FAM83E: variants seen among roughly 807,000 people sequenced by gnomAD.
FAM83E encodes the protein scaffolding CK1 anchoring protein E.
FAM83E carries 29 observed loss-of-function variants against 34.3 expected under a neutral mutation model. The ratio of observed to expected loss-of-function variants is 0.85; its 90% CI spans 0.63 to 1.15. The LOEUF is 1.15. FAM83E is among the 50% of genes most tolerant of loss of function. The pLI is 0.00. For synonymous variants in FAM83E, 312 were observed against 311.6 expected (o/e 1.00, Z -0.01); for missense variants, 697 against 685.0 (o/e 1.02, Z -0.20).
At chr19:48,604,377 C>T (rs961981638) in intron 5 of FAM83E, among the ~76,000 whole-genome samples, 100 of 136,388 alleles carry the variant, frequency 7.3e-4, no homozygotes, top group African/African-American at 2.5e-3. Flanking sequence ...TTTGCCCAGG[C>T]TGGAGTGTAG....
chr19:48,602,704 A>AAAAAAAT (rs1973844092), intron 6 of FAM83E, among the ~76,000 whole-genome samples: 2 of 27,500 alleles, frequency 7.3e-5, no homozygotes, highest in African/African-American at 2.0e-4. Flanking sequence ...AAAAAAAAAA[A>AAAAAAAT]ATATATATAT....
At chr19:48,602,141 C>CAAAAAAAAAAAAAAAAAAAAAAA (rs35272146) in intron 6 of FAM83E, among the ~76,000 whole-genome samples, 1 of 41,560 alleles carries the variant, frequency 2.4e-5, no homozygotes, top group Non-Finnish European at 4.0e-5. Flanking sequence ...GACCCTATCT[C>CAAAAAAAAAAAAAAAAAAAAAAA]AAAAAAAAAA....
At chr19:48,607,349 T>C (rs144555465) in intron 5 of FAM83E, 206 of 1,586,090 alleles carry the variant, frequency 1.3e-4, no homozygotes, top group Admixed American at 1.8e-4. Flanking sequence ...CCACGTTTGC[T>C]GTGACCAACA....
At chr19:48,610,086 G>C in intron 4 of FAM83E, 86 bp from the exon 5 acceptor site, 2 of 1,514,216 alleles carry the variant, frequency 1.3e-6, no homozygotes, top group South Asian at 1.2e-5. Context: ...CTAACTGGGG[G>C]ACCCATGACT....
At chr19:48,609,843 G>A (rs182528618) in intron 5 of FAM83E, 33 bp downstream of exon 5, 552 of 1,607,468 alleles carry the variant, frequency 3.4e-4, no homozygotes, top group East Asian at 3.3e-3. Flanking sequence ...GGTATAGGAC[G>A]CCGGGAGGTG....
At chr19:48,609,253 G>GTTTC in intron 5 of FAM83E, among the ~76,000 whole-genome samples, 2 of 134,164 alleles carry the variant, frequency 1.5e-5, no homozygotes, top group African/African-American at 2.7e-5. Context: ...ATTATTTGCA[G>GTTTC]TTTCTTTCTT....
Position 48,612,911 on chromosome 19 carries a change from G to A in FAM83E, c.462C>T (p.His154=). The A allele has an allele frequency of 6.5e-7, 1 of 1,540,174 alleles. No homozygotes were observed. The change falls in exon 3 of 7, where the codon CAC becomes CAT. Residue 154 remains histidine, a synonymous_variant. Coordinates refer to ENST00000263266, the MANE Select transcript of FAM83E (RefSeq NM_017708.4). ...ELVRLEIQAA[H]KLVAVVMDVF... ...ACAGGGCCCCCGCGACACCCACCTT[G>A]TGGGCAGCCTGGATCTCCAGCCGCA...
chr19:48,601,261 C>T lies in FAM83E; in HGVS notation c.1285G>A (p.Gly429Ser), dbSNP rs372947177. The change falls in exon 7 of 7, where the codon GGT becomes AGT. Residue 429 changes from glycine to serine, a missense_variant. Coordinates refer to ENST00000263266, the MANE Select transcript of FAM83E (RefSeq NM_017708.4). ...TGGGCGGGGGGCAGGGGCAGGGCAC[C>T]GCCCCACGGAGGTCGGGAGTCCACT... ...GEVDSRPPWG[G>S]ALPLPPAHRL... 1.8e-5 allele frequency: 29 copies of T among 1,597,888 alleles called. No homozygotes were observed. Among genetic ancestry groups the T allele is most frequent in the East Asian group, 2.3e-5 (1 of 44,050 alleles).
rs1338431514 is a variant in FAM83E, at chr19:48,606,651, C to T, written c.759-2740G>A. On this transcript the variant is annotated intron_variant, in intron 5 of 6. Coordinates refer to ENST00000263266, the MANE Select transcript of FAM83E (RefSeq NM_017708.4). ...GCCCCGGCAGGTCGGCGGGGCAGGC[C>T]ACCCCTTGGATTGTGACACCCACTC... 9.3e-6 allele frequency: 3 copies of T among 322,762 alleles called. No homozygotes were observed. The East Asian group carries it at 1.6e-4, about 17-fold the overall frequency. The allele number at this position is 322,762 out of a possible 1,614,324, so 20.0% of individuals were successfully genotyped here.
At position 48,601,372 on chromosome 19, in the gene FAM83E, G is replaced by A. The variant is rs760509775; in HGVS notation, c.1177-3C>T. 2.6e-6 allele frequency: 4 copies of A among 1,560,946 alleles called. No homozygotes were observed. The highest frequency in any genetic ancestry group is 3.5e-6 in the Non-Finnish European group (4 of 1,152,008). On this transcript the variant is annotated splice_polypyrimidine_tract_variant and splice_region_variant and intron_variant, in intron 6 of 6. Transcript: ENST00000263266. Reference sequence around the variant, plus strand: ...TTGGAGCCCCAGGATTTCTTGAGCTGTGGAGGGAAAGAGAGGGAGGTGAGA... The same window carrying A: ...TTGGAGCCCCAGGATTTCTTGAGCTATGGAGGGAAAGAGAGGGAGGTGAGA...
At position 48,609,980 on chromosome 19, in the gene FAM83E, C is replaced by G. The variant is rs778649063; in HGVS notation, c.654G>C (p.Val218=). The part of the protein sequence containing the change: ...WNTENVDVRV[V]RGCSFQSRWR... ...AGCGGCTCTGGAAGCTGCAGCCCCGCACGACACGGACATCCACGTTCTGTT... is the reference window on the plus strand; with the variant it reads ...AGCGGCTCTGGAAGCTGCAGCCCCGGACGACACGGACATCCACGTTCTGTT... The change falls in exon 5 of 7, where the codon GTG becomes GTC. Residue 218 remains valine, a synonymous_variant. Transcript: ENST00000263266. The G allele has an allele frequency of 5.0e-6, 8 of 1,612,502 alleles. No homozygotes were observed. The South Asian group carries it at 8.8e-5, about 18-fold the overall frequency.
chr19:48,603,730 C>A lies in FAM83E; in HGVS notation c.940G>T (p.Val314Leu). ...GGGGCCACGGAGCGGCGGCGGGACACGCGGTGCGGGCTGCGGCCCCGCTGC... is the reference window on the plus strand; with the variant it reads ...GGGGCCACGGAGCGGCGGCGGGACAAGCGGTGCGGGCTGCGGCCCCGCTGC... ...GLQRGRSPHR[V>L]SRRRSVAPAS... Residue 314 changes from valine (V) to leucine (L), a missense_variant, in exon 6 of 7, where the codon GTG becomes TTG. Val to Leu is a conservative substitution (Grantham distance 32, BLOSUM62 1). Coordinates refer to ENST00000263266, the MANE Select transcript of FAM83E (RefSeq NM_017708.4). 6.7e-7 allele frequency: 1 copy of A among 1,484,654 alleles called. No homozygotes were observed. The highest frequency in any genetic ancestry group is 8.9e-7 in the Non-Finnish European group (1 of 1,126,592). 92.0% of individuals were successfully genotyped at this position (1,484,654 alleles called of 1,614,324 possible). A position where few individuals can be genotyped will look rare whatever the true frequency, so the allele number is the denominator to read the frequency against.
rs1004897455 is a variant in FAM83E at position 48,600,930 on chromosome 19, G to A, written c.*179C>T. On this transcript the variant is annotated 3_prime_UTR_variant, in exon 7 of 7. Coordinates refer to ENST00000263266, the MANE Select transcript of FAM83E (RefSeq NM_017708.4). ...AGCCTCCCAAAGTGCAGGGATTACA[G>A]GCATGAGCCACCACTCCCGGCCCAA... 5.9e-6 allele frequency: 8 copies of A among 1,363,874 alleles called. No individual in the cohort carries two copies. The Admixed American group carries it at 1.9e-4, about 32-fold the overall frequency. 84.5% of individuals were successfully genotyped at this position (1,363,874 alleles called of 1,614,324 possible).
intron 1 of FAM83E, 30 bp downstream of exon 1, chr19:48,614,906 TC>T (rs1974124298): frequency 1.8e-6 from 1 of 559,198 alleles, no homozygotes; most frequent in African/African-American, 2.0e-5. Flanking sequence ...CTGGAGGAGG[TC>T]CGGGGGTGCG....
chr19:48,610,833 G>C lies in FAM83E; in HGVS notation c.480C>G (p.Val160=), dbSNP rs369807715. ...IQAAHKLVAV[V]MDVFTDPDLL... is the part of the protein sequence containing the mutation. ...GGTCTGGGTCAGTGAAGACGTCCAT[G>C]ACCACGGCCACCAGCTGGGCATGGG... The change falls in exon 4 of 7, where the codon GTC becomes GTG. Residue 160 remains valine (V), a synonymous_variant. Transcript: ENST00000263266. The C allele has an allele frequency of 4.4e-6, 7 of 1,594,584 alleles. No homozygotes were observed. Among genetic ancestry groups the C allele is most frequent in the Non-Finnish European group, 8.5e-7 (1 of 1,170,742 alleles).
Position 48,612,985 on chromosome 19 carries a change from G to T in FAM83E, c.388C>A (p.Leu130Met). The change falls in exon 3 of 7, where the codon CTG (leucine) becomes ATG (methionine). Residue 130 changes from leucine to methionine, a missense_variant. Coordinates refer to ENST00000263266, the MANE Select transcript of FAM83E (RefSeq NM_017708.4). The stretch of plus-strand genomic sequence containing the variant: ...CCCTCTCCAGGAGGCTGGGTGTACA[G>T]CTGCGCCCGGGTGATGCCTTTCCAC... ...SAWKGITRAQ[L>M]YTQPPGEGQP... The T allele has an allele frequency of 6.2e-7, 1 of 1,603,622 alleles. No individual in the cohort carries two copies. The highest frequency in any genetic ancestry group is 8.5e-7 in the Non-Finnish European group (1 of 1,176,208).
chr19:48,612,824 G>GC, intron 3 of FAM83E, 84 bp downstream of exon 3: 2 of 1,425,560 alleles, frequency 1.4e-6, no homozygotes, highest in South Asian at 1.5e-5. Context: ...GTGTGCGCTT[G>GC]CAAGTCCCAG....
rs200644995 is a variant in FAM83E, at chr19:48,603,892, G to A, written c.778C>T (p.Arg260Cys). 81 of 1,602,124 alleles carry A rather than the reference G, an allele frequency of 5.1e-5. No homozygotes were observed. The highest frequency in any genetic ancestry group is 4.6e-5 in the East Asian group (2 of 43,734). The part of the protein sequence containing the change: ...GSYSFTWSDA[R>C]LHRGLVTLLT... ...AGGGTCACCAGGCCTCGGTGCAGGC[G>A]TGCGTCACTCCACGTGAAGCTGGGG... Residue 260 changes from arginine (R) to cysteine (C), a missense_variant, in exon 6 of 7, where the codon CGC (arginine) becomes TGC (cysteine). By Grantham distance (180) the Arg-to-Cys change is radical. Transcript: ENST00000263266.
At position 48,613,393 on chromosome 19, in the gene FAM83E, G is replaced by A. The variant is rs757772300; in HGVS notation, c.-21C>T. 29 of 1,512,114 alleles carry A rather than the reference G, an allele frequency of 1.9e-5. 1 individual carries two copies. In the Admixed American group the frequency reaches 5.6e-4, roughly 29 times the overall value. 93.7% of individuals were successfully genotyped at this position (1,512,114 alleles called of 1,614,324 possible). On this transcript the variant is annotated 5_prime_UTR_variant, in exon 3 of 7. Coordinates refer to ENST00000263266, the MANE Select transcript of FAM83E (RefSeq NM_017708.4). ...GCCATCGGGGTCACTCGGGTGGGAGGACTGACTGTGAGAGGCTGGGTCCCC... is the reference window on the plus strand; with the variant it reads ...GCCATCGGGGTCACTCGGGTGGGAGAACTGACTGTGAGAGGCTGGGTCCCC...
Sources: gnomAD v4.1 joint callset for allele counts (sites outside exome capture counted in the v4.1 genomes callset) on GRCh38, gnomAD v4.1.1 for gene constraint, MANE v1.5 for transcripts, NCBI Gene and HGNC (gene_info 2026-07-23, HGNC 2026-07-21) for gene names.